The following SPTA1 variants were observed in gnomAD, a reference collection of about 807,000 sequenced individuals.
SPTA1 encodes the protein spectrin alpha chain, erythrocytic 1.
In SPTA1, 177 loss-of-function variants were observed where a neutral mutation model predicts 324.7. That is an observed-to-expected ratio of 0.55 (90% CI 0.48 to 0.62). The LOEUF (loss-of-function observed/expected upper bound fraction) is 0.62. SPTA1 is among the 20% of genes least tolerant of loss of function. The pLI is 0.00. For synonymous variants in SPTA1, 1,195 were observed against 1,041.3 expected (o/e 1.15, Z -2.84); for missense variants, 3,162 against 2,883.6 (o/e 1.10, Z -2.21).
intron 43 of SPTA1, chr1:158,622,719 C>T (rs530945337): frequency 1.6e-5 from 7 of 431,026 alleles, no homozygotes; most frequent in East Asian, 5.0e-5. Context: ...AAAGACCTCC[C>T]ATCCTCTTGT....
Position 158,677,754 on chromosome 1 carries a change from G to A in SPTA1, c.893C>T (p.Ala298Val). ...TSEDYGKDLV[A>V]SEGLFHSHKG... ...GTGACTGTGAAACAGTCCTTCAGAG[G>A]CAACAAGGTCTTTGCCATAGTCCTC... Residue 298 changes from alanine (A) to valine (V), a missense_variant, in exon 7 of 52, where the codon GCC becomes GTC. Physicochemically the swap from Ala to Val is moderately conservative, Grantham distance 64. Transcript: ENST00000643759. The A allele has an allele frequency of 2.5e-6, 4 of 1,613,676 alleles. No individual in the cohort carries two copies. In the Admixed American group the frequency reaches 5.0e-5, roughly 20 times the overall value.
chr1:158,647,853 CA>C, intron 26 of SPTA1, 133 bp from the exon 27 acceptor site: 1 of 948,706 alleles, frequency 1.1e-6, no homozygotes, highest in Non-Finnish European at 1.6e-6. Flanking sequence ...TCATACTTTA[CA>C]AAATAATATC....
In SPTA1 at chr1:158,683,465, G is replaced by C; in HGVS notation, c.296C>G (p.Ala99Gly). Residue 99 changes from alanine (A) to glycine (G), a missense_variant, in exon 3 of 52, where the codon GCA (alanine) becomes GGA (glycine). Physicochemically the swap from Ala to Gly is moderately conservative, Grantham distance 60 (BLOSUM62 0). Coordinates refer to ENST00000643759, the MANE Select transcript of SPTA1 (RefSeq NM_003126.4). ...GKYQKHQSLE[A>G]EVQTKSRLMS... ...GAGTCTTGATTTTGTTTGCACCTCTGCTTCAAGGGATTGATGCTTCTGATA... is the reference window on the plus strand; with the variant it reads ...GAGTCTTGATTTTGTTTGCACCTCTCCTTCAAGGGATTGATGCTTCTGATA... The C allele has an allele frequency of 1.2e-6, 2 of 1,613,120 alleles. No individual in the cohort carries two copies. Among genetic ancestry groups the C allele is most frequent in the East Asian group, 2.2e-5 (1 of 44,828 alleles).
chr1:158,648,627 A>C lies in SPTA1; in HGVS notation c.3596T>G (p.Ile1199Ser). ...ACTGAGGGCCTGGCATTTCTTCTCA[A>C]TCTGCTCCTTCGTGTCATCTGCTTC... ...HREADDTKEQ[I>S]EKKCQALSAA... Residue 1199 changes from isoleucine (I) to serine (S), a missense_variant, in exon 26 of 52, where the codon ATT (isoleucine) becomes AGT (serine). Transcript: ENST00000643759. 1 of 1,613,842 alleles carries C rather than the reference A, an allele frequency of 6.2e-7. No individual in the cohort carries two copies. The highest frequency in any genetic ancestry group is 1.3e-5 in the African/African-American group (1 of 74,954).
intron 25 of SPTA1, among the ~76,000 whole-genome samples, chr1:158,649,056 T>C (rs1215303263): frequency 6.6e-6 from 1 of 152,142 alleles, no homozygotes; most frequent in Non-Finnish European, 1.5e-5. Context: ...TGTTTTTCCT[T>C]CCCTGCATCA....
intron 20 of SPTA1, among the ~76,000 whole-genome samples, chr1:158,655,818 A>G (rs1374759156): frequency 6.6e-6 from 1 of 152,186 alleles, no homozygotes; most frequent in Non-Finnish European, 1.5e-5. Context: ...AGCCATTCTC[A>G]TATTCTCAAC....
At chr1:158,631,100 T>A (rs772957744) in intron 39 of SPTA1, among the ~76,000 whole-genome samples, 7 of 152,094 alleles carry the variant, frequency 4.6e-5, no homozygotes, top group Non-Finnish European at 1.0e-4. Flanking sequence ...AATTCAGTAA[T>A]CCCACTACTG....
Position 158,640,006 on chromosome 1 carries a change from T to C in SPTA1, c.4739A>G (p.Glu1580Gly), listed in dbSNP as rs1207540461. The C allele has an allele frequency of 1.2e-6, 2 of 1,613,774 alleles. No individual in the cohort carries two copies. The highest frequency in any genetic ancestry group is 2.2e-5 in the South Asian group (2 of 91,076). Residue 1580 changes from glutamate to glycine, a missense_variant and splice_region_variant, in exon 34 of 52, where the codon GAG (glutamate) becomes GGG (glycine). Coordinates refer to ENST00000643759, the MANE Select transcript of SPTA1 (RefSeq NM_003126.4). ...ACDGNEEAMK[E>G]QLEQLKEHWD... The stretch of plus-strand genomic sequence containing the variant: ...ATGTTCCTTCAGCTGTTCCAGTTGC[T>C]CCTAACCCAAGGAGAGTGAGGAGTC...
intron 12 of SPTA1, 146 bp from the exon 13 acceptor site, chr1:158,669,932 T>G: frequency 1.3e-6 from 1 of 768,770 alleles, no homozygotes; most frequent in Non-Finnish European, 2.3e-6. Flanking sequence ...TTATTCAGGT[T>G]TCTGTTATAA....
In SPTA1 at chr1:158,610,921, A is replaced by G. The variant is rs1187218274; in HGVS notation, c.*343T>C. On this transcript the variant is annotated 3_prime_UTR_variant, in exon 52 of 52. Coordinates refer to ENST00000643759, the MANE Select transcript of SPTA1 (RefSeq NM_003126.4). ...ACTTTGCCCCAAAAAATATTTTTAAAAAGAATTACTTTATTCTATAATCGG... is the reference window on the plus strand; with the variant it reads ...ACTTTGCCCCAAAAAATATTTTTAAGAAGAATTACTTTATTCTATAATCGG... 1 of 213,002 alleles carries G rather than the reference A, an allele frequency of 4.7e-6. No homozygotes were observed. Among genetic ancestry groups the G allele is most frequent in the African/African-American group, 2.3e-5 (1 of 42,820 alleles). 13.2% of individuals were successfully genotyped at this position (213,002 alleles called of 1,614,324 possible). A position where few individuals can be genotyped will look rare whatever the true frequency, so the allele number is the denominator to read the frequency against.
At chr1:158,654,099 T>A (rs1327317298) in intron 21 of SPTA1, among the ~76,000 whole-genome samples, 1 of 152,176 alleles carries the variant, frequency 6.6e-6, no homozygotes, top group Non-Finnish European at 1.5e-5. Context: ...GGTATCAGAG[T>A]ATAAAAAATT....
In SPTA1 at chr1:158,674,412, C is replaced by T. The variant is rs772560248; in HGVS notation, c.1267G>A (p.Asp423Asn). Residue 423 changes from aspartate to asparagine, a missense_variant, in exon 10 of 52, where the codon GAT becomes AAT. Physicochemically the swap from Asp to Asn is conservative, Grantham distance 23 (BLOSUM62 1). Coordinates refer to ENST00000643759, the MANE Select transcript of SPTA1 (RefSeq NM_003126.4). ...QQHKHEIDSYDDRFQSADETG... is the reference protein window; with the variant it reads ...QQHKHEIDSYNDRFQSADETG... Reference sequence around the variant, plus strand: ...TCATCAGCAGATTGAAATCGGTCATCGTAAGAGTCAATCTCATGCTGTGGC... The same window carrying T: ...TCATCAGCAGATTGAAATCGGTCATTGTAAGAGTCAATCTCATGCTGTGGC... 22 of 1,613,940 alleles carry T rather than the reference C, an allele frequency of 1.4e-5. No homozygotes were observed. The highest frequency in any genetic ancestry group is 1.0e-4 in the Admixed American group (6 of 59,984).
chr1:158,685,250 C>T lies in SPTA1; in HGVS notation c.122G>A (p.Arg41Gln), dbSNP rs778903567. ...VLTRYQSFKE[R>Q]VAERGQKLED... is the part of the protein sequence containing the mutation. Reference sequence around the variant, plus strand: ...AAGCTTCTGACCCCTCTCAGCGACCCGCTCCTTGAAACTTTGATACCGAGT... The same window carrying T: ...AAGCTTCTGACCCCTCTCAGCGACCTGCTCCTTGAAACTTTGATACCGAGT... Residue 41 changes from arginine (R) to glutamine (Q), a missense_variant, in exon 2 of 52, where the codon CGG becomes CAG. Physicochemically the swap from Arg to Gln is conservative, Grantham distance 43. Coordinates refer to ENST00000643759, the MANE Select transcript of SPTA1 (RefSeq NM_003126.4). The T allele has an allele frequency of 7.6e-5, 123 of 1,613,532 alleles. No homozygotes were observed. The highest frequency in any genetic ancestry group is 2.3e-4 in the African/African-American group (17 of 74,852).
intron 1 of SPTA1, 54 bp downstream of exon 1, chr1:158,686,440 A>T: frequency 8.1e-7 from 1 of 1,238,748 alleles, no homozygotes; most frequent in Non-Finnish European, 1.2e-6. Context: ...TAAAGGAAAC[A>T]TCTTTCCTAA....
intron 14 of SPTA1, 117 bp downstream of exon 14, chr1:158,669,291 G>T: frequency 2.2e-6 from 3 of 1,374,804 alleles, no homozygotes; most frequent in South Asian, 2.4e-5. Flanking sequence ...CCTCTGTTTT[G>T]TCATCTATAA....
At chr1:158,648,042 A>C (rs976687135) in intron 26 of SPTA1, among the ~76,000 whole-genome samples, 3 of 152,196 alleles carry the variant, frequency 2.0e-5, no homozygotes, top group Non-Finnish European at 4.4e-5. Context: ...TTTGCTCTGC[A>C]TGATAATGCC....
rs1035389616 is a variant in SPTA1, at chr1:158,669,407, C to T, written c.1833+1G>A. 9 of 1,614,098 alleles carry T rather than the reference C, an allele frequency of 5.6e-6. No homozygotes were observed. Among genetic ancestry groups the T allele is most frequent in the Non-Finnish European group, 7.6e-6 (9 of 1,179,950 alleles). ...ATCCAGCTCCTGAAAACTCTGCCTACCTTGTAATCTTCATCATCTGCCAAC... is the reference window on the plus strand; with the variant it reads ...ATCCAGCTCCTGAAAACTCTGCCTATCTTGTAATCTTCATCATCTGCCAAC... On this transcript the variant is annotated splice_donor_variant, in intron 14 of 51. Transcript: ENST00000643759. LOFTEE classifies it high-confidence loss of function.
At chr1:158,620,135 T>C (rs1435992912) in intron 44 of SPTA1, 35 bp downstream of exon 44, 3 of 1,611,822 alleles carry the variant, frequency 1.9e-6, no homozygotes, top group Non-Finnish European at 2.5e-6. Flanking sequence ...ATGTTCACTG[T>C]AGTGAAAGGA....
chr1:158,619,049 G>A (rs952400314), intron 45 of SPTA1, 173 bp downstream of exon 45: 1 of 701,250 alleles, frequency 1.4e-6, no homozygotes, highest in Non-Finnish European at 2.6e-6. Flanking sequence ...GGTTTTCCAA[G>A]AATTGATTCA....
Sources: allele counts gnomAD v4.1 joint callset (sites outside exome capture counted in the v4.1 genomes callset), GRCh38; gene constraint gnomAD v4.1.1; transcripts MANE v1.5; gene names NCBI Gene and HGNC (gene_info 2026-07-23, HGNC 2026-07-21).